The following CDK14 variants were observed in gnomAD, a reference collection of about 807,000 sequenced individuals.
CDK14 encodes cyclin dependent kinase 14, also known as cyclin-dependent kinase 14.
In CDK14, 34 loss-of-function variants were observed where a neutral mutation model predicts 60.7. That is an observed-to-expected ratio of 0.56 (90% confidence interval 0.43 to 0.75). CDK14 has a LOEUF of 0.75. CDK14 is among the 30% of genes least tolerant of loss of function. The probability of loss-of-function intolerance (pLI) is 0.00; values close to 1 mark genes in which losing one functional copy is unlikely to be tolerated. For missense variants in CDK14, 482 were observed against 564.1 expected (o/e 0.85, Z 1.47); for synonymous variants, 197 against 203.7 (o/e 0.97, Z 0.28).
At chr7:91,202,375 A>T (rs1407793570) in intron 14 of CDK14, among the ~76,000 whole-genome samples, 1 of 152,210 alleles carries the variant, frequency 6.6e-6, no homozygotes, top group Non-Finnish European at 1.5e-5. Context: ...AATGGCATCC[A>T]CTAATCTTAT....
intron 12 of CDK14, among the ~76,000 whole-genome samples, chr7:91,091,779 G>C (rs1798839860): frequency 7.1e-6 from 1 of 141,532 alleles, no homozygotes; most frequent in Non-Finnish European, 1.5e-5. Flanking sequence ...GTTATTTTAA[G>C]CTCCCAAGTA....
intron 2 of CDK14, among the ~76,000 whole-genome samples, chr7:90,630,073 AAAACAAAACAAAAC>A (rs746172269): frequency 1.6e-3 from 121 of 75,008 alleles, no homozygotes; most frequent in African/African-American, 6.2e-3. Context: ...AAAACAAAAC[AAAACAAAACAAAAC>A]ACCACACACA....
chr7:91,130,739 G>A (rs1467577020), intron 14 of CDK14, among the ~76,000 whole-genome samples: 2 of 152,102 alleles, frequency 1.3e-5, no homozygotes, highest in Admixed American at 6.6e-5. Flanking sequence ...TTGATGACTA[G>A]TAGACCAAAT....
chr7:90,642,802 A>G (rs915598592), intron 2 of CDK14, among the ~76,000 whole-genome samples: 8 of 152,100 alleles, frequency 5.3e-5, no homozygotes, highest in African/African-American at 1.9e-4. Context: ...TCCACAGTAA[A>G]CGTTTAAAGG....
chr7:90,665,739 G>T (rs939224866), intron 2 of CDK14, among the ~76,000 whole-genome samples: 7 of 152,154 alleles, frequency 4.6e-5, no homozygotes, highest in African/African-American at 1.7e-4. Flanking sequence ...AAAAATTTCT[G>T]CATTTGCAGC....
chr7:90,960,200 AC>A (rs1794560208), intron 9 of CDK14, among the ~76,000 whole-genome samples: 1 of 152,118 alleles, frequency 6.6e-6, no homozygotes, highest in South Asian at 2.1e-4. Flanking sequence ...AAATAGGGTG[AC>A]TAAGTCACCT....
At chr7:90,868,812 T>A (rs1791278040) in intron 6 of CDK14, among the ~76,000 whole-genome samples, 1 of 152,168 alleles carries the variant, frequency 6.6e-6, no homozygotes, top group Admixed American at 6.5e-5. Flanking sequence ...TTAGAGAATT[T>A]AAAGCAGATT....
At chr7:90,738,304 G>C (rs1803202548) in intron 3 of CDK14, among the ~76,000 whole-genome samples, 1 of 152,128 alleles carries the variant, frequency 6.6e-6, no homozygotes, top group South Asian at 2.1e-4. Context: ...GTATTATAGA[G>C]ATTAAGTTTA....
chr7:91,160,983 CAG>C, intron 14 of CDK14, among the ~76,000 whole-genome samples: 1 of 152,264 alleles, frequency 6.6e-6, no homozygotes, highest in Middle Eastern at 3.4e-3. Context: ...TGACTCTCTC[CAG>C]AGTCACTGAT....
chr7:90,895,685 C>G (rs143303902), intron 6 of CDK14, among the ~76,000 whole-genome samples: 9 of 147,164 alleles, frequency 6.1e-5, no homozygotes, highest in African/African-American at 2.0e-4. Flanking sequence ...CTCAGCTTCC[C>G]GAGTAGCTGG....
chr7:90,917,538 CTGTA>C, intron 7 of CDK14, 59 bp from the exon 8 acceptor site: 1 of 1,535,602 alleles, frequency 6.5e-7, no homozygotes, highest in Non-Finnish European at 8.9e-7. Context: ...ACTTAGCAGA[CTGTA>C]TGTAGAAACT....
intron 14 of CDK14, among the ~76,000 whole-genome samples, chr7:91,180,599 T>C (rs2115875353): frequency 6.6e-6 from 1 of 152,228 alleles, no homozygotes; most frequent in East Asian, 1.9e-4. Context: ...ACAATAAAGA[T>C]CAGGAAAAAG....
intron 5 of CDK14, among the ~76,000 whole-genome samples, chr7:90,791,963 C>T (rs1805849613): frequency 6.7e-6 from 1 of 148,840 alleles, no homozygotes; most frequent in African/African-American, 2.5e-5. Context: ...AGTGCAATGG[C>T]ACAATCTCGG....
intron 5 of CDK14, among the ~76,000 whole-genome samples, chr7:90,818,771 CTTCT>C (rs1789440603): frequency 6.6e-6 from 1 of 151,916 alleles, no homozygotes; most frequent in East Asian, 1.9e-4. Context: ...GAAGTCCTGC[CTTCT>C]TTAAGTAACA....
intron 2 of CDK14, among the ~76,000 whole-genome samples, chr7:90,684,838 A>G (rs541473762): frequency 1.3e-5 from 2 of 152,226 alleles, no homozygotes; most frequent in Admixed American, 1.3e-4. Flanking sequence ...TCTACTGCAC[A>G]TATATATGTT....
intron 14 of CDK14, among the ~76,000 whole-genome samples, chr7:91,123,252 C>G (rs1257506482): frequency 6.6e-6 from 1 of 152,164 alleles, no homozygotes; most frequent in Non-Finnish European, 1.5e-5. Context: ...ATCTAGGTTT[C>G]TTTCAGTACT....
intron 13 of CDK14, among the ~76,000 whole-genome samples, chr7:91,115,958 A>C (rs190180604): frequency 6.7e-4 from 102 of 152,326 alleles, no homozygotes; most frequent in African/African-American, 2.4e-3. Flanking sequence ...GAAAGCAAGA[A>C]TAATGGTACA....
chr7:90,639,779 G>C (rs985269478), intron 2 of CDK14, among the ~76,000 whole-genome samples: 3 of 151,904 alleles, frequency 2.0e-5, no homozygotes, highest in Non-Finnish European at 4.4e-5. Flanking sequence ...CACCCAGTTC[G>C]AGCTTCCCGG....
intron 11 of CDK14, among the ~76,000 whole-genome samples, chr7:91,065,712 G>A (rs1419664200): frequency 2.0e-5 from 3 of 152,166 alleles, no homozygotes; most frequent in Non-Finnish European, 4.4e-5. Flanking sequence ...CTCAGTATTG[G>A]TTCGCATGAT....
Sources: allele counts gnomAD v4.1 joint callset (sites outside exome capture counted in the v4.1 genomes callset), GRCh38; gene constraint gnomAD v4.1.1; transcripts MANE v1.5; gene names NCBI Gene and HGNC (gene_info 2026-07-23, HGNC 2026-07-21).